MYRIP: variants seen among roughly 807,000 people sequenced by gnomAD.
The protein encoded by MYRIP is myosin VIIA and Rab interacting protein.
Under a neutral mutation model 98.0 loss-of-function variants are expected in MYRIP, and 49 were observed. The ratio of observed to expected loss-of-function variants is 0.50; its 90% CI spans 0.40 to 0.63. MYRIP has a LOEUF of 0.63. Ranked by LOEUF, MYRIP falls within the 30% of genes least tolerant of loss-of-function variation. The probability of loss-of-function intolerance (pLI) is 0.00; values close to 1 mark genes in which losing one functional copy is unlikely to be tolerated. For synonymous variants in MYRIP, 404 were observed against 409.5 expected, an observed-to-expected ratio of 0.99 and a Z score of 0.16; for missense variants, 1,004 against 1,058.2, an observed-to-expected ratio of 0.95 and a Z score of 0.71.
intron 3 of MYRIP, among the ~76,000 whole-genome samples, chr3:40,079,600 C>T (rs1415633036): frequency 2.0e-5 from 3 of 152,164 alleles, no homozygotes; most frequent in East Asian, 1.9e-4. Context: ...CAATGAATGT[C>T]GAAGTTCCAT....
intron 1 of MYRIP, among the ~76,000 whole-genome samples, chr3:39,861,895 G>C (rs1942483475): frequency 6.6e-6 from 1 of 152,096 alleles, no homozygotes; most frequent in South Asian, 2.1e-4. Context: ...GAGAGAGAAA[G>C]CAAGCAACTT....
At chr3:39,954,676 A>G (rs1019106773) in intron 2 of MYRIP, among the ~76,000 whole-genome samples, 22 of 152,160 alleles carry the variant, frequency 1.4e-4, no homozygotes, top group African/African-American at 4.8e-4. Context: ...AATGCTTCTG[A>G]CGAGTTGACA....
At chr3:39,945,743 AATG>A (rs1326088449) in intron 2 of MYRIP, among the ~76,000 whole-genome samples, 1 of 152,146 alleles carries the variant, frequency 6.6e-6, no homozygotes, top group Admixed American at 6.6e-5. Flanking sequence ...AGTGGTAAGT[AATG>A]AAAGCTTTAA....
intron 1 of MYRIP, among the ~76,000 whole-genome samples, chr3:39,839,706 G>A (rs1447138948): frequency 6.6e-6 from 1 of 151,996 alleles, no homozygotes; most frequent in African/African-American, 2.4e-5. Context: ...TGGTTGCAAA[G>A]AATTTATTTA....
intron 2 of MYRIP, among the ~76,000 whole-genome samples, chr3:39,969,704 C>T (rs6785770): frequency 0.043 from 6,497 of 152,050 alleles, 321 homozygotes; most frequent in African/African-American, 0.12. Context: ...CTTTTTGTTA[C>T]GCTGCTGGAT....
chr3:40,113,438 C>T (rs575381818), intron 3 of MYRIP, among the ~76,000 whole-genome samples: 15 of 152,252 alleles, frequency 9.9e-5, no homozygotes, highest in African/African-American at 3.4e-4. Flanking sequence ...AGCCACCATG[C>T]CCAGCCAAGA....
At chr3:40,175,245 G>A (rs567274106) in intron 8 of MYRIP, among the ~76,000 whole-genome samples, 194 of 152,290 alleles carry the variant, frequency 1.3e-3, no homozygotes, top group Admixed American at 3.1e-3. Context: ...TGTTTAGAAA[G>A]GCCTATACTA....
At chr3:40,255,589 G>T (rs1224256405) in intron 16 of MYRIP, among the ~76,000 whole-genome samples, 1 of 152,160 alleles carries the variant, frequency 6.6e-6, no homozygotes, top group Non-Finnish European at 1.5e-5. Flanking sequence ...AAAGAAAGGA[G>T]AATTCCAGAT....
Position 40,250,328 on chromosome 3 carries a change from T to G in MYRIP, c.2367+2T>G. ...CGGGATCAGAAGCAAAGGACCCAGG[T>G]GTGTTTGTCCCTTTCTCCCTCTGTT... On this transcript the variant is annotated splice_donor_variant, in intron 14 of 16. Coordinates refer to ENST00000302541, the MANE Select transcript of MYRIP (RefSeq NM_015460.4). LOFTEE classifies it high-confidence loss of function. The G allele has an allele frequency of 6.2e-7, 1 of 1,613,552 alleles. No individual in the cohort carries two copies. The highest frequency in any genetic ancestry group is 8.5e-7 in the Non-Finnish European group (1 of 1,179,488).
intron 2 of MYRIP, among the ~76,000 whole-genome samples, chr3:39,951,351 G>A (rs766564612): frequency 2.6e-5 from 4 of 151,924 alleles, no homozygotes; most frequent in Non-Finnish European, 5.9e-5. Context: ...AGGGGAAGGA[G>A]ATTGGTGGAA....
intron 2 of MYRIP, among the ~76,000 whole-genome samples, chr3:40,013,310 AG>A (rs1256066819): frequency 6.6e-6 from 1 of 152,242 alleles, no homozygotes; most frequent in South Asian, 2.1e-4. Flanking sequence ...GTGCAGGAGA[AG>A]CAAGTGTGCA....
intron 2 of MYRIP, among the ~76,000 whole-genome samples, chr3:40,043,227 ATATAG>A (rs1194086167): frequency 5.3e-5 from 8 of 152,352 alleles, no homozygotes; most frequent in Admixed American, 6.5e-5. Context: ...TAGTCTAGTA[ATATAG>A]TATAGTAATA....
At chr3:39,907,114 G>C (rs889564553) in intron 2 of MYRIP, among the ~76,000 whole-genome samples, 17 of 152,084 alleles carry the variant, frequency 1.1e-4, no homozygotes, top group African/African-American at 4.1e-4. Flanking sequence ...GTGTCTGCTT[G>C]GGTGTTGGGC....
intron 9 of MYRIP, among the ~76,000 whole-genome samples, chr3:40,183,360 C>T (rs529642979): frequency 6.6e-6 from 1 of 152,298 alleles, no homozygotes; most frequent in African/African-American, 2.4e-5. Context: ...ATTCCTCCCC[C>T]TAGAATGTCC....
At chr3:40,053,294 G>C (rs1391292436) in intron 3 of MYRIP, among the ~76,000 whole-genome samples, 2 of 152,110 alleles carry the variant, frequency 1.3e-5, no homozygotes, top group African/African-American at 4.8e-5. Context: ...GGCAATTTAG[G>C]TTAAGATACT....
At chr3:39,870,059 T>A (rs879420120) in intron 1 of MYRIP, among the ~76,000 whole-genome samples, 1 of 152,026 alleles carries the variant, frequency 6.6e-6, no homozygotes, top group Non-Finnish European at 1.5e-5. Context: ...TGGAGGGAAC[T>A]GCAGGGGGGT....
chr3:40,009,654 T>C (rs1178689987), intron 2 of MYRIP, among the ~76,000 whole-genome samples: 4 of 152,176 alleles, frequency 2.6e-5, no homozygotes, highest in African/African-American at 7.2e-5. Flanking sequence ...CAGGGCTGCC[T>C]CCTGGAATCA....
At chr3:40,030,594 G>A (rs151324093) in intron 2 of MYRIP, among the ~76,000 whole-genome samples, 1 of 152,224 alleles carries the variant, frequency 6.6e-6, no homozygotes, top group African/African-American at 2.4e-5. Context: ...TATGGTGAAT[G>A]AATGGATAAA....
chr3:40,152,983 G>C (rs1007016511), intron 4 of MYRIP, among the ~76,000 whole-genome samples: 1 of 151,916 alleles, frequency 6.6e-6, no homozygotes, highest in Non-Finnish European at 1.5e-5. Context: ...GTCAGATGTG[G>C]TGGCATGCAC....
Sources: gnomAD v4.1 joint callset for allele counts (sites outside exome capture counted in the v4.1 genomes callset) on GRCh38, gnomAD v4.1.1 for gene constraint, MANE v1.5 for transcripts, NCBI Gene and HGNC (gene_info 2026-07-23, HGNC 2026-07-21) for gene names.